Variants in TRIM24 observed in about 807,000 individuals in gnomAD.
The protein encoded by TRIM24 is tripartite motif containing 24.
In TRIM24, 29 loss-of-function variants were observed where a neutral mutation model predicts 123.9. That is an observed-to-expected ratio of 0.23 (90% CI 0.17 to 0.32). The LOEUF (loss-of-function observed/expected upper bound fraction) is 0.32. TRIM24 is among the 10% of genes least tolerant of loss of function. TRIM24 has a pLI of 1.00. For missense variants in TRIM24, 932 were observed against 1,295.3 expected, an observed-to-expected ratio of 0.72 and a Z score of 4.31; for synonymous variants, 456 against 461.1, an observed-to-expected ratio of 0.99 and a Z score of 0.14.
chr7:138,463,048 T>G (rs1287561917), intron 1 of TRIM24, among the ~76,000 whole-genome samples: 5 of 126,002 alleles, frequency 4.0e-5, no homozygotes, highest in East Asian at 2.1e-4. Context: ...TTTGTGTTTT[T>G]TTTTTTTTTT....
At chr7:138,470,975 A>G (rs1159281194) in intron 1 of TRIM24, among the ~76,000 whole-genome samples, 1 of 152,226 alleles carries the variant, frequency 6.6e-6, no homozygotes, top group Non-Finnish European at 1.5e-5. Context: ...TTGCAGGTAG[A>G]ATAACATTAA....
intron 15 of TRIM24, 114 bp downstream of exon 15, chr7:138,579,646 C>T: frequency 1.2e-6 from 1 of 807,724 alleles, no homozygotes; most frequent in Non-Finnish European, 1.9e-6. Flanking sequence ...AGTGTATACT[C>T]CAAAATCCCA....
chr7:138,573,433 C>T, intron 11 of TRIM24, 74 bp from the exon 12 acceptor site: 1 of 1,344,068 alleles, frequency 7.4e-7, no homozygotes, highest in Non-Finnish European at 9.9e-7. Flanking sequence ...GTTATTGAAG[C>T]TTTCTTATAA....
intron 4 of TRIM24, among the ~76,000 whole-genome samples, chr7:138,520,088 GGTTGGA>G (rs1415701153): frequency 2.6e-5 from 4 of 152,188 alleles, no homozygotes; most frequent in Non-Finnish European, 5.9e-5. Flanking sequence ...GACAGGATTG[GGTTGGA>G]GTTGGGGCTA....
intron 12 of TRIM24, among the ~76,000 whole-genome samples, chr7:138,574,612 A>G (rs1797719388): frequency 6.6e-6 from 1 of 152,202 alleles, no homozygotes; most frequent in Non-Finnish European, 1.5e-5. Flanking sequence ...ATCAAACAAG[A>G]TAGAATTTCT....
chr7:138,491,060 G>T lies in TRIM24; in HGVS notation c.365-13230G>T. Reference sequence around the variant, plus strand: ...TGGAACACATTTTGTCCTGGAGTAAGACCCATGCCATGGAAGTTAAGTCAG... The same window carrying T: ...TGGAACACATTTTGTCCTGGAGTAATACCCATGCCATGGAAGTTAAGTCAG... On this transcript the variant is annotated intron_variant, in intron 1 of 18. Coordinates refer to ENST00000343526, the MANE Select transcript of TRIM24 (RefSeq NM_015905.3). 1.2e-5 allele frequency: 3 copies of T among 252,188 alleles called. No homozygotes were observed. The South Asian group carries it at 1.3e-4, about 11-fold the overall frequency. 15.6% of individuals were successfully genotyped at this position (252,188 alleles called of 1,614,324 possible).
intron 1 of TRIM24, among the ~76,000 whole-genome samples, chr7:138,500,220 T>G (rs1796006472): frequency 6.6e-6 from 1 of 152,142 alleles, no homozygotes; most frequent in Non-Finnish European, 1.5e-5. Context: ...ACAAATCATA[T>G]TCACATCTCA....
intron 5 of TRIM24, among the ~76,000 whole-genome samples, chr7:138,527,354 A>C (rs1031562519): frequency 6.6e-6 from 1 of 152,240 alleles, no homozygotes; most frequent in East Asian, 1.9e-4. Flanking sequence ...AAAATTAAAC[A>C]ATCTTTGTTA....
At chr7:138,463,989 CTTTTTTTTTTT>C (rs568562414) in intron 1 of TRIM24, among the ~76,000 whole-genome samples, 1 of 50,766 alleles carries the variant, frequency 2.0e-5, no homozygotes, top group African/African-American at 8.2e-5. Flanking sequence ...AAAATTTAGA[CTTTTTTTTTTT>C]TTTTTTTTTT....
rs780736473 is a variant in TRIM24, at chr7:138,460,505, G to C, written c.-44G>C. On this transcript the variant is annotated 5_prime_UTR_variant, in exon 1 of 19. Coordinates refer to ENST00000343526, the MANE Select transcript of TRIM24 (RefSeq NM_015905.3). Reference sequence around the variant, plus strand: ...GAGGAGGTCGTCGGGGGCGGCGGGCGGAGACCGCGCTCTCGCTTCCCCGGC... The same window carrying C: ...GAGGAGGTCGTCGGGGGCGGCGGGCCGAGACCGCGCTCTCGCTTCCCCGGC... The C allele has an allele frequency of 3.7e-5, 47 of 1,260,088 alleles. No homozygotes were observed. Among genetic ancestry groups the C allele is most frequent in the Middle Eastern group, 3.0e-4 (1 of 3,338 alleles). 78.1% of individuals were successfully genotyped at this position (1,260,088 alleles called of 1,614,324 possible). A position where few individuals can be genotyped will look rare whatever the true frequency, so the allele number is the denominator to read the frequency against.
At chr7:138,485,077 T>A (rs1397150731) in intron 1 of TRIM24, among the ~76,000 whole-genome samples, 2 of 152,160 alleles carry the variant, frequency 1.3e-5, no homozygotes, top group Non-Finnish European at 2.9e-5. Flanking sequence ...TATTTCTTTC[T>A]CTTTCCTCAA....
At position 138,523,269 on chromosome 7, in the gene TRIM24, C is replaced by A. The variant is rs1796539953; in HGVS notation, c.765-1972C>A. ...GCATTTTCAAAGATAAAAAGGATATCTGTCAATAATAATGAAAATTTTTAC... is the reference window on the plus strand; with the variant it reads ...GCATTTTCAAAGATAAAAAGGATATATGTCAATAATAATGAAAATTTTTAC... On this transcript the variant is annotated intron_variant, in intron 4 of 18. Transcript: ENST00000343526. 3.3e-5 allele frequency among the ~76,000 whole-genome samples: 5 copies of A among 152,144 alleles called. No individual in the cohort carries two copies. In the South Asian group the frequency reaches 1.0e-3, roughly 32 times the overall value.
Position 138,499,948 on chromosome 7 carries a change from C to T in TRIM24, c.365-4342C>T, listed in dbSNP as rs1165162220. Among the ~76,000 whole-genome samples the T allele has an allele frequency of 2.6e-5, 4 of 152,060 alleles. 1 individual carries two copies. The East Asian group carries it at 7.8e-4, about 29-fold the overall frequency. Reference sequence around the variant, plus strand: ...CAGGACCACGGACAACACTATTTTGCGTTATATATATCCTCTCCCTTGTCT... The same window carrying T: ...CAGGACCACGGACAACACTATTTTGTGTTATATATATCCTCTCCCTTGTCT... On this transcript the variant is annotated intron_variant, in intron 1 of 18. Transcript: ENST00000343526.
intron 6 of TRIM24, among the ~76,000 whole-genome samples, chr7:138,533,218 C>T (rs917604088): frequency 6.6e-6 from 1 of 152,162 alleles, no homozygotes; most frequent in Non-Finnish European, 1.5e-5. Flanking sequence ...TTTCTCTTGC[C>T]TGATTGCCCT....
rs1349801087 is a variant in TRIM24 at position 138,570,904 on chromosome 7, T to C, written c.1779T>C (p.Ile593=). ...CCTCTACTCCTTCCAGCCCCACGAT[T>C]ACTAGTGCAGCAGGATATGATGGAA... ...STSSTPSSPT[I]TSAAGYDGKA... is the part of the protein sequence containing the mutation. The change falls in exon 11 of 19, where the codon ATT becomes ATC. Residue 593 remains isoleucine (I), a synonymous_variant. Coordinates refer to ENST00000343526, the MANE Select transcript of TRIM24 (RefSeq NM_015905.3). The C allele has an allele frequency of 2.5e-5, 40 of 1,613,992 alleles. No individual in the cohort carries two copies. The highest frequency in any genetic ancestry group is 3.3e-5 in the Non-Finnish European group (39 of 1,180,012).
intron 1 of TRIM24, among the ~76,000 whole-genome samples, chr7:138,467,225 C>G (rs1777957745): frequency 6.6e-6 from 1 of 152,162 alleles, no homozygotes; most frequent in South Asian, 2.1e-4. Context: ...ATTTGCATTT[C>G]TTTACATTTT....
At chr7:138,533,319 T>A (rs1796788419) in intron 6 of TRIM24, among the ~76,000 whole-genome samples, 1 of 152,164 alleles carries the variant, frequency 6.6e-6, no homozygotes, top group Admixed American at 6.5e-5. Flanking sequence ...ATGCTTCCAG[T>A]TTTTGCCCAT....
chr7:138,569,017 C>A (rs1397747569), intron 10 of TRIM24, among the ~76,000 whole-genome samples: 1 of 152,118 alleles, frequency 6.6e-6, no homozygotes, highest in South Asian at 2.1e-4. Flanking sequence ...AAATAAAATT[C>A]ATACCTATTA....
chr7:138,535,585 A>C (rs1451238072), intron 6 of TRIM24, among the ~76,000 whole-genome samples: 1 of 152,132 alleles, frequency 6.6e-6, no homozygotes, highest in African/African-American at 2.4e-5. Context: ...CGAGAGATCC[A>C]CTGTTAGTCT....
Sources: gnomAD v4.1 joint callset for allele counts (sites outside exome capture counted in the v4.1 genomes callset) on GRCh38, gnomAD v4.1.1 for gene constraint, MANE v1.5 for transcripts, NCBI Gene and HGNC (gene_info 2026-07-23, HGNC 2026-07-21) for gene names.